ACBD5: variants seen among roughly 807,000 people sequenced by gnomAD.
The protein encoded by ACBD5 is acyl-CoA-binding domain-containing protein 5.
ACBD5 carries 40 observed loss-of-function variants against 71.8 expected under a neutral mutation model. The ratio of observed to expected loss-of-function variants is 0.56; its 90% CI spans 0.43 to 0.72. The LOEUF (loss-of-function observed/expected upper bound fraction) is 0.72, where lower values mean the gene tolerates loss of function less well. Among genes scored for constraint, ACBD5 ranks in the 30% least tolerant of loss-of-function variants. ACBD5 has a pLI of 0.00. For missense variants in ACBD5, 559 were observed against 644.5 expected, an observed-to-expected ratio of 0.87 and a Z score of 1.44; for synonymous variants, 229 against 218.6, an observed-to-expected ratio of 1.05 and a Z score of -0.42.
intron 5 of ACBD5, chr10:27,223,112 C>T (rs1272106891): frequency 1.4e-6 from 1 of 693,266 alleles, no homozygotes; most frequent in African/African-American, 1.8e-5. Flanking sequence ...ATGAAAACTC[C>T]TGGGTGACAA....
intron 2 of ACBD5, among the ~76,000 whole-genome samples, chr10:27,238,357 T>C (rs2065032530): frequency 6.6e-6 from 1 of 152,210 alleles, no homozygotes; most frequent in African/African-American, 2.4e-5. Context: ...TCCTAATAAG[T>C]GGTACATAAT....
At chr10:27,239,749 GTT>G (rs2065222718) in intron 2 of ACBD5, among the ~76,000 whole-genome samples, 1 of 151,842 alleles carries the variant, frequency 6.6e-6, no homozygotes, top group Non-Finnish European at 1.5e-5. Context: ...TTGTTTGTTT[GTT>G]TGTTTGTTTG....
chr10:27,196,199 T>TA lies in ACBD5; in HGVS notation c.*1230dup, dbSNP rs200995487. 1.3e-4 allele frequency: 53 copies of TA among 418,684 alleles called. No homozygotes were observed. Among genetic ancestry groups the TA allele is most frequent in the South Asian group, 2.7e-4 (16 of 58,574 alleles). The allele number at this position is 418,684 out of a possible 1,614,324, so 25.9% of individuals were successfully genotyped here. ...TGGGCAACAAGAGAGAAACTCCATT[T>TA]AAAAAAAAAAATTATTTGTTACAAA... is the stretch of plus-strand genomic sequence containing the variant. On this transcript the variant is annotated 3_prime_UTR_variant, in exon 13 of 13. Coordinates refer to ENST00000396271, the MANE Select transcript of ACBD5 (RefSeq NM_145698.5).
intron 8 of ACBD5, among the ~76,000 whole-genome samples, chr10:27,212,115 A>G (rs554344221): frequency 6.6e-6 from 1 of 152,284 alleles, no homozygotes; most frequent in East Asian, 1.9e-4. Context: ...TTGGGAGGCC[A>G]GGGTAGGCAG....
chr10:27,208,296 G>T lies in ACBD5; in HGVS notation c.1354C>A (p.Gln452Lys), dbSNP rs1239824743. Reference sequence around the variant, plus strand: ...TTCTGCAGTCTCTGAAGGACATTCTGCATGTCCTCCTGCAGTCTCATCAGC... The same window carrying T: ...TTCTGCAGTCTCTGAAGGACATTCTTCATGTCCTCCTGCAGTCTCATCAGC... Reference protein sequence around the residue: ...LVLMRLQEDMQNVLQRLQKLE... With the variant: ...LVLMRLQEDMKNVLQRLQKLE... Residue 452 changes from glutamine (Q) to lysine (K), a missense_variant, in exon 10 of 13, where the codon CAG (glutamine) becomes AAG (lysine). By Grantham distance (53) the Gln-to-Lys change is moderately conservative (BLOSUM62 1). Coordinates refer to ENST00000396271, the MANE Select transcript of ACBD5 (RefSeq NM_145698.5). 1 of 1,614,154 alleles carries T rather than the reference G, an allele frequency of 6.2e-7. No homozygotes were observed. Among genetic ancestry groups the T allele is most frequent in the East Asian group, 2.2e-5 (1 of 44,880 alleles).
intron 9 of ACBD5, among the ~76,000 whole-genome samples, chr10:27,209,243 T>C (rs971694915): frequency 1.9e-4 from 29 of 152,070 alleles, no homozygotes; most frequent in Non-Finnish European, 4.1e-4. Flanking sequence ...ACTACTTCTT[T>C]AGGTATTAAA....
At chr10:27,208,080 T>G (rs1328051812) in intron 10 of ACBD5, among the ~76,000 whole-genome samples, 166 bp downstream of exon 10, 1 of 152,170 alleles carries the variant, frequency 6.6e-6, no homozygotes, top group East Asian at 1.9e-4. Flanking sequence ...AAGCAGTAAT[T>G]AGTTTCTGGG....
At chr10:27,201,264 A>G (rs1258434114) in intron 12 of ACBD5, among the ~76,000 whole-genome samples, 2 of 152,232 alleles carry the variant, frequency 1.3e-5, no homozygotes, top group Admixed American at 6.5e-5. Context: ...TTAATAGCAG[A>G]GTTGTCAGGC....
At position 27,197,431 on chromosome 10, in the gene ACBD5, C is replaced by G; in HGVS notation, c.1577G>C (p.Ter526SerextTer18). The part of the protein sequence containing the change: ...YYQRRRRKLN[*>S] ...TTCTTGAGGAAAACACCATTTTCCT[C>G]AGTTCAGTTTTCTTTAAAAAGAAAA... Residue 526 changes from the stop codon to serine, a stop_lost, in exon 13 of 13, where the codon TGA becomes TCA. Coordinates refer to ENST00000396271, the MANE Select transcript of ACBD5 (RefSeq NM_145698.5). The G allele has an allele frequency of 6.2e-7, 1 of 1,609,502 alleles. No individual in the cohort carries two copies. The highest frequency in any genetic ancestry group is 8.5e-7 in the Non-Finnish European group (1 of 1,177,060).
chr10:27,197,382 T>C lies in ACBD5; in HGVS notation c.*48A>G, dbSNP rs754960623. 6.3e-7 allele frequency: 1 copy of C among 1,582,616 alleles called. No individual in the cohort carries two copies. The highest frequency in any genetic ancestry group is 2.2e-5 in the East Asian group (1 of 44,626). On this transcript the variant is annotated 3_prime_UTR_variant, in exon 13 of 13. Transcript: ENST00000396271. ...GTGAACACCACAATCCAGTTCATTC[T>C]GAGGTCATCCAGTTCCAGTAGTCTT...
At chr10:27,240,000 G>A (rs1379568435) in intron 2 of ACBD5, among the ~76,000 whole-genome samples, 1 of 152,102 alleles carries the variant, frequency 6.6e-6, no homozygotes, top group Non-Finnish European at 1.5e-5. Context: ...CATCCACCTC[G>A]GCCTCCCAAA....
At position 27,240,650 on chromosome 10, in the gene ACBD5, C is replaced by T; in HGVS notation, c.15+24G>A. ...CGTGACTAAGGCCACGAATCCGGCC[C>T]GCGACGACAGCAAAACAACTCACCG... On this transcript the variant is annotated intron_variant, in intron 1 of 12. Transcript: ENST00000396271. The surrounding 1 kb of genome is among the most constrained non-coding windows in gnomAD (Gnocchi z 4.1). 1 of 1,551,156 alleles carries T rather than the reference C, an allele frequency of 6.4e-7. No individual in the cohort carries two copies. The highest frequency in any genetic ancestry group is 8.7e-7 in the Non-Finnish European group (1 of 1,146,972).
chr10:27,216,980 C>G (rs555737912), intron 7 of ACBD5, among the ~76,000 whole-genome samples: 1 of 151,192 alleles, frequency 6.6e-6, no homozygotes, highest in East Asian at 2.0e-4. Flanking sequence ...CCCCGTCTCA[C>G]TAAAAAATAC....
chr10:27,185,170 A>C (rs1212527909), intron 13 of ACBD5, among the ~76,000 whole-genome samples: 1 of 152,188 alleles, frequency 6.6e-6, no homozygotes, highest in African/African-American at 2.4e-5. Flanking sequence ...TTCATGCTAA[A>C]GCTGTCTAGG....
chr10:27,227,500 T>C (rs1279603337), intron 4 of ACBD5, among the ~76,000 whole-genome samples: 1 of 152,152 alleles, frequency 6.6e-6, no homozygotes, highest in Non-Finnish European at 1.5e-5. Flanking sequence ...GACCTAGATA[T>C]CACTTCTGAG....
chr10:27,186,446 C>T, intron 13 of ACBD5: 1 of 1,614,078 alleles, frequency 6.2e-7, no homozygotes, highest in Non-Finnish European at 8.5e-7. Flanking sequence ...CTATGCCTTT[C>T]ATCCCCCAGC....
chr10:27,205,900 T>C (rs1450629218), intron 10 of ACBD5, among the ~76,000 whole-genome samples: 1 of 152,040 alleles, frequency 6.6e-6, no homozygotes, highest in Non-Finnish European at 1.5e-5. Flanking sequence ...TTAAAATCTT[T>C]TGAACTTTAT....
chr10:27,199,207 GAGA>G (rs2059666913), intron 12 of ACBD5, among the ~76,000 whole-genome samples: 1 of 144,204 alleles, frequency 6.9e-6, no homozygotes. Flanking sequence ...TTTTTTTTTT[GAGA>G]TGGAGTCTCG....
chr10:27,235,949 C>T (rs1010837982), intron 2 of ACBD5, among the ~76,000 whole-genome samples: 3 of 151,876 alleles, frequency 2.0e-5, no homozygotes, highest in African/African-American at 7.3e-5. Flanking sequence ...CCTGTCTCTA[C>T]AAATAAAAAC....
Sources: allele counts gnomAD v4.1 joint callset (sites outside exome capture counted in the v4.1 genomes callset), GRCh38; gene constraint gnomAD v4.1.1; non-coding constraint Gnocchi (gnomAD v3.1); transcripts MANE v1.5; gene names NCBI Gene and HGNC (gene_info 2026-07-23, HGNC 2026-07-21).